The following SCAPER variants were observed in gnomAD, a reference collection of about 807,000 sequenced individuals.
The protein encoded by SCAPER is S phase cyclin A-associated protein in the endoplasmic reticulum.
In SCAPER, 98 loss-of-function variants were observed where a neutral mutation model predicts 182.2. The ratio of observed to expected loss-of-function variants is 0.54; its 90% CI spans 0.46 to 0.64. The LOEUF (loss-of-function observed/expected upper bound fraction) is 0.64, where lower values mean the gene tolerates loss of function less well. Ranked by LOEUF, SCAPER falls within the 30% of genes least tolerant of loss-of-function variation. SCAPER has a pLI of 0.00. For synonymous variants in SCAPER, 605 were observed against 564.6 expected, an observed-to-expected ratio of 1.07 and a Z score of -1.01; for missense variants, 1,432 against 1,690.0, an observed-to-expected ratio of 0.85 and a Z score of 2.68.
At chr15:76,781,406 C>T (rs761349419) in intron 8 of SCAPER, among the ~76,000 whole-genome samples, 11 of 152,126 alleles carry the variant, frequency 7.2e-5, no homozygotes, top group East Asian at 1.9e-4. Context: ...ACCAAATTTA[C>T]GTATGACTGG....
chr15:76,877,616 T>C (rs1432799708), intron 2 of SCAPER, among the ~76,000 whole-genome samples: 14 of 152,224 alleles, frequency 9.2e-5, no homozygotes, highest in Admixed American at 9.2e-4. Flanking sequence ...GGACACATCG[T>C]CATTCGTGTG....
intron 2 of SCAPER, among the ~76,000 whole-genome samples, chr15:76,882,417 GA>G (rs1245589371): frequency 1.3e-5 from 2 of 150,642 alleles, no homozygotes; most frequent in Non-Finnish European, 3.0e-5. Context: ...GATATTAAGA[GA>G]AAAAAAATCT....
chr15:76,507,172 T>G (rs183931305), intron 23 of SCAPER, among the ~76,000 whole-genome samples: 2 of 152,258 alleles, frequency 1.3e-5, no homozygotes, highest in Admixed American at 1.3e-4. Flanking sequence ...GTGAGGCCGT[T>G]AGAGTAGGCT....
intron 27 of SCAPER, among the ~76,000 whole-genome samples, chr15:76,397,106 T>C (rs2044119141): frequency 6.6e-6 from 1 of 151,960 alleles, no homozygotes; most frequent in South Asian, 2.1e-4. Context: ...TTGTCCTTCA[T>C]TCTGTTGATA....
At chr15:76,815,732 T>A (rs2067022718) in intron 5 of SCAPER, among the ~76,000 whole-genome samples, 1 of 152,096 alleles carries the variant, frequency 6.6e-6, no homozygotes, top group South Asian at 2.1e-4. Context: ...ATGTGAAGGA[T>A]CTAGGTTGAG....
intron 20 of SCAPER, among the ~76,000 whole-genome samples, chr15:76,683,974 C>T (rs897575352): frequency 1.3e-5 from 2 of 151,986 alleles, no homozygotes; most frequent in Non-Finnish European, 2.9e-5. Flanking sequence ...AACTAAGCTT[C>T]AAAAGCAAAG....
chr15:76,900,516 G>A (rs2074723902), intron 1 of SCAPER, among the ~76,000 whole-genome samples: 1 of 152,008 alleles, frequency 6.6e-6, no homozygotes, highest in Admixed American at 6.6e-5. Flanking sequence ...AAGAATAAAG[G>A]TGGTAAACAG....
chr15:76,574,155 C>A lies in SCAPER; in HGVS notation c.2838+3G>T, dbSNP rs1194281580. Reference sequence around the variant, plus strand: ...GTTCAAAAGCCAGATATTAGTTACACACCTCTTTTTCCAGTATTCTAGTGA... The same window carrying A: ...GTTCAAAAGCCAGATATTAGTTACAAACCTCTTTTTCCAGTATTCTAGTGA... On this transcript the variant is annotated splice_donor_region_variant and intron_variant, in intron 23 of 31. Coordinates refer to ENST00000563290, the MANE Select transcript of SCAPER (RefSeq NM_020843.4). 3 of 1,598,286 alleles carry A rather than the reference C, an allele frequency of 1.9e-6. No homozygotes were observed. The highest frequency in any genetic ancestry group is 1.7e-6 in the Non-Finnish European group (2 of 1,173,310).
intron 10 of SCAPER, among the ~76,000 whole-genome samples, chr15:76,768,155 T>C (rs1487096758): frequency 6.6e-6 from 1 of 152,126 alleles, no homozygotes; most frequent in Admixed American, 6.5e-5. Flanking sequence ...GTTGCTCAAA[T>C]GGTTAAACAT....
chr15:76,618,325 G>A (rs775396770), intron 22 of SCAPER, among the ~76,000 whole-genome samples: 9 of 152,116 alleles, frequency 5.9e-5, no homozygotes, highest in African/African-American at 1.9e-4. Context: ...ATGTGTGAGT[G>A]CAGCTTTAAA....
rs142298230 is a variant in SCAPER at position 76,730,480 on chromosome 15, A to G, written c.2023-1743T>C. Among the ~76,000 whole-genome samples the G allele has an allele frequency of 5.1e-4, 78 of 152,222 alleles. 1 individual carries two copies. Among genetic ancestry groups the G allele is most frequent in the African/African-American group, 1.8e-3 (73 of 41,568 alleles). On this transcript the variant is annotated intron_variant, in intron 16 of 31. Coordinates refer to ENST00000563290, the MANE Select transcript of SCAPER (RefSeq NM_020843.4). ...TGTAGCTATTTCTCATGACTAATCA[A>G]GAATAATATGTGGAAACTTGGTTAG...
chr15:76,529,690 G>A (rs1049515413), intron 23 of SCAPER, among the ~76,000 whole-genome samples: 3 of 152,258 alleles, frequency 2.0e-5, no homozygotes, highest in Non-Finnish European at 4.4e-5. Context: ...AGAAGAGTAA[G>A]TGCCAAGAGC....
chr15:76,742,104 A>G (rs2061571119), intron 15 of SCAPER, among the ~76,000 whole-genome samples: 1 of 152,138 alleles, frequency 6.6e-6, no homozygotes, highest in East Asian at 1.9e-4. Flanking sequence ...CTAGAAAAAG[A>G]TGCCTGATGG....
chr15:76,740,382 C>T (rs568901368), intron 15 of SCAPER, among the ~76,000 whole-genome samples: 2 of 152,284 alleles, frequency 1.3e-5, no homozygotes, highest in East Asian at 1.9e-4. Flanking sequence ...AGAGAGCTTA[C>T]ATTACTTCAT....
chr15:76,404,004 C>G (rs1382456596), intron 27 of SCAPER, among the ~76,000 whole-genome samples: 2 of 152,158 alleles, frequency 1.3e-5, no homozygotes, highest in African/African-American at 4.8e-5. Context: ...TCACTATGCC[C>G]ATGGGTCACG....
intron 17 of SCAPER, among the ~76,000 whole-genome samples, chr15:76,724,756 T>C (rs1473314998): frequency 2.0e-5 from 3 of 152,228 alleles, no homozygotes; most frequent in Non-Finnish European, 4.4e-5. Context: ...GTAGTTCTCG[T>C]GCCATGGTTT....
At chr15:76,421,722 C>T (rs2142350313) in intron 26 of SCAPER, among the ~76,000 whole-genome samples, 1 of 152,314 alleles carries the variant, frequency 6.6e-6, no homozygotes, top group East Asian at 1.9e-4. Flanking sequence ...ATGGTATTGC[C>T]TAGGTTTTCC....
At chr15:76,507,332 C>T (rs540916814) in intron 23 of SCAPER, among the ~76,000 whole-genome samples, 64 of 152,210 alleles carry the variant, frequency 4.2e-4, no homozygotes, top group Non-Finnish European at 8.1e-4. Flanking sequence ...CCTGTTGACA[C>T]CTTGATCTTG....
chr15:76,437,211 T>G (rs893546149), intron 25 of SCAPER, among the ~76,000 whole-genome samples: 4 of 152,110 alleles, frequency 2.6e-5, no homozygotes, highest in Non-Finnish European at 5.9e-5. Context: ...TTTCAACCAA[T>G]TCCCCTCTTT....
Sources: gnomAD v4.1 joint callset for allele counts (sites outside exome capture counted in the v4.1 genomes callset) on GRCh38, gnomAD v4.1.1 for gene constraint, MANE v1.5 for transcripts, NCBI Gene and HGNC (gene_info 2026-07-23, HGNC 2026-07-21) for gene names.